Variants in ELOVL7 observed in about 807,000 individuals in gnomAD.
ELOVL7 encodes very long chain fatty acid elongase 7.
A neutral mutation model predicts 35.7 loss-of-function variants in ELOVL7; 27 were observed. The observed-to-expected ratio is 0.76, with a 90% confidence interval of 0.56 to 1.04. The LOEUF (loss-of-function observed/expected upper bound fraction) is 1.04, where lower values mean the gene tolerates loss of function less well. Among genes scored for constraint, ELOVL7 ranks in the 50% least tolerant of loss-of-function variants. The probability of loss-of-function intolerance (pLI) is 0.00; values close to 1 mark genes in which losing one functional copy is unlikely to be tolerated. For missense variants in ELOVL7, 327 were observed against 340.8 expected, an observed-to-expected ratio of 0.96 and a Z score of 0.32; for synonymous variants, 113 against 114.6, an observed-to-expected ratio of 0.99 and a Z score of 0.09.
At chr5:60,777,780 A>G (rs1380385109) in intron 3 of ELOVL7, among the ~76,000 whole-genome samples, 1 of 152,182 alleles carries the variant, frequency 6.6e-6, no homozygotes. Flanking sequence ...GTAGAGGGAA[A>G]ACCATAAAAG....
chr5:60,771,959 C>T lies in ELOVL7; in HGVS notation c.199G>A (p.Ala67Thr), dbSNP rs745942972. The change falls in exon 4 of 9, where the codon GCA becomes ACA. Residue 67 changes from alanine (A) to threonine (T), a missense_variant. Coordinates refer to ENST00000508821, the MANE Select transcript of ELOVL7 (RefSeq NM_024930.3). Reference sequence around the variant, plus strand: ...ATGAAAAAATTGTACGTTATCATTGCTTTCTTGAGTTCAAAGGGCTTGCGA... The same window carrying T: ...ATGAAAAAATTGTACGTTATCATTGTTTTCTTGAGTTCAAAGGGCTTGCGA... ...ENRKPFELKK[A>T]MITYNFFIVL... 1.9e-5 allele frequency: 31 copies of T among 1,613,786 alleles called. No individual in the cohort carries two copies. Among genetic ancestry groups the T allele is most frequent in the Admixed American group, 6.7e-5 (4 of 59,954 alleles).
rs536719023 is a variant in ELOVL7, at chr5:60,784,119, C to T, written c.64+3215G>A. 32 of 1,510,466 alleles carry T rather than the reference C, an allele frequency of 2.1e-5. No homozygotes were observed. In the African/African-American group the frequency reaches 4.1e-4, roughly 20 times the overall value. The allele number at this position is 1,510,466 out of a possible 1,614,324, so 93.6% of individuals were successfully genotyped here. ...ATAGAATATTAATGGGCTTTTCCATCAGCTGCTTCTAAGAGAGTATTCTCT... is the reference window on the plus strand; with the variant it reads ...ATAGAATATTAATGGGCTTTTCCATTAGCTGCTTCTAAGAGAGTATTCTCT... On this transcript the variant is annotated intron_variant, in intron 3 of 8. Transcript: ENST00000508821.
intron 3 of ELOVL7, among the ~76,000 whole-genome samples, chr5:60,784,454 GA>G (rs1743446027): frequency 6.6e-6 from 1 of 152,102 alleles, no homozygotes; most frequent in South Asian, 2.1e-4. Flanking sequence ...TCACATCTAA[GA>G]ATCCAAATAA....
chr5:60,827,864 T>C (rs1746260141), intron 1 of ELOVL7, among the ~76,000 whole-genome samples: 1 of 152,154 alleles, frequency 6.6e-6, no homozygotes, highest in Non-Finnish European at 1.5e-5. Context: ...GGCCCCAACC[T>C]TGGCCTCCCA....
chr5:60,767,676 T>G (rs553754473), intron 5 of ELOVL7, 147 bp downstream of exon 5: 135 of 459,214 alleles, frequency 2.9e-4, no homozygotes, highest in Admixed American at 8.5e-4. Flanking sequence ...TTTTTTATTC[T>G]TGTAATTGTT....
intron 7 of ELOVL7, 23 bp downstream of exon 7, chr5:60,764,204 G>C (rs201008763): frequency 2.7e-6 from 4 of 1,509,388 alleles, no homozygotes; most frequent in African/African-American, 2.8e-5. Context: ...TATAACACAT[G>C]ATCCCAAATT....
intron 4 of ELOVL7, among the ~76,000 whole-genome samples, chr5:60,770,369 T>C (rs1742507463): frequency 6.6e-6 from 1 of 152,156 alleles, no homozygotes; most frequent in Non-Finnish European, 1.5e-5. Flanking sequence ...TTCAATCCTA[T>C]CTTTATAAAA....
intron 1 of ELOVL7, among the ~76,000 whole-genome samples, chr5:60,819,544 G>A (rs1216875167): frequency 1.3e-5 from 2 of 152,136 alleles, no homozygotes; most frequent in African/African-American, 2.4e-5. Flanking sequence ...CACTTAGGGA[G>A]GCCGAGGTGG....
chr5:60,827,166 T>C (rs1467320255), intron 1 of ELOVL7, among the ~76,000 whole-genome samples: 2 of 152,210 alleles, frequency 1.3e-5, no homozygotes, highest in East Asian at 3.8e-4. Flanking sequence ...CAAATTGATT[T>C]AATGCATAAT....
At chr5:60,824,448 C>T (rs1288574635) in intron 1 of ELOVL7, among the ~76,000 whole-genome samples, 1 of 152,148 alleles carries the variant, frequency 6.6e-6, no homozygotes, top group African/African-American at 2.4e-5. Context: ...CTAAGAAAGG[C>T]AGAGGCAACA....
intron 8 of ELOVL7, among the ~76,000 whole-genome samples, chr5:60,757,052 T>C (rs971605982): frequency 3.3e-5 from 5 of 152,110 alleles, no homozygotes; most frequent in African/African-American, 9.7e-5. Context: ...TCTACGTTTT[T>C]AATTCTCACA....
At chr5:60,767,746 T>C (rs1742328519) in intron 5 of ELOVL7, 77 bp downstream of exon 5, 1 of 1,021,520 alleles carries the variant, frequency 9.8e-7, no homozygotes, top group Non-Finnish European at 1.5e-6. Flanking sequence ...ATTCTAAGTT[T>C]ACGTTCAGTG....
intron 2 of ELOVL7, among the ~76,000 whole-genome samples, chr5:60,789,774 A>G (rs1743813324): frequency 6.6e-6 from 1 of 152,244 alleles, no homozygotes; most frequent in Non-Finnish European, 1.5e-5. Context: ...ATATTATGAC[A>G]TTGTAAATAA....
In ELOVL7 at chr5:60,820,496, G is replaced by A. The variant is rs148801332; in HGVS notation, c.-85-21266C>T. On this transcript the variant is annotated intron_variant, in intron 1 of 8. Coordinates refer to ENST00000508821, the MANE Select transcript of ELOVL7 (RefSeq NM_024930.3). ...GCCTGTTCCACATGCCAGGCCCTGT[G>A]ACCAGTGTCTGGGATAGAAAAATGG... Among the ~76,000 whole-genome samples the A allele has an allele frequency of 2.2e-3, 340 of 152,298 alleles. 1 individual carries two copies. The highest frequency in any genetic ancestry group is 7.9e-3 in the African/African-American group (327 of 41,564).
In ELOVL7 at chr5:60,816,881, A is replaced by G. The variant is rs866728604; in HGVS notation, c.-85-17651T>C. Among the ~76,000 whole-genome samples the G allele has an allele frequency of 5.3e-5, 8 of 152,372 alleles. No homozygotes were observed. In the South Asian group the frequency reaches 1.7e-3, roughly 32 times the overall value. ...AGATAAATACAAAATTCAAATGTAAAAATGAAATTATAAAAATACCCGGTG... is the reference window on the plus strand; with the variant it reads ...AGATAAATACAAAATTCAAATGTAAGAATGAAATTATAAAAATACCCGGTG... On this transcript the variant is annotated intron_variant, in intron 1 of 8. Transcript: ENST00000508821.
At chr5:60,807,885 G>A (rs561638066) in intron 1 of ELOVL7, among the ~76,000 whole-genome samples, 2 of 147,852 alleles carry the variant, frequency 1.4e-5, no homozygotes, top group South Asian at 4.3e-4. Flanking sequence ...TGTAGTCCCA[G>A]CTACTTGGGA....
intron 1 of ELOVL7, among the ~76,000 whole-genome samples, chr5:60,809,812 AT>A (rs201325827): frequency 4.0e-5 from 6 of 151,762 alleles, no homozygotes; most frequent in African/African-American, 1.5e-4. Flanking sequence ...AACAATCCTA[AT>A]TTTTTTTTCT....
At chr5:60,786,419 AC>A (rs886318652) in intron 3 of ELOVL7, among the ~76,000 whole-genome samples, 1 of 152,194 alleles carries the variant, frequency 6.6e-6, no homozygotes, top group African/African-American at 2.4e-5. Context: ...TAACTGCTAA[AC>A]CCCATGAAAG....
In ELOVL7 at chr5:60,829,572, A is replaced by G. The variant is rs532958823; in HGVS notation, c.-86+14588T>C. 3.9e-5 allele frequency among the ~76,000 whole-genome samples: 6 copies of G among 152,318 alleles called. No homozygotes were observed. In the South Asian group the frequency reaches 1.2e-3, roughly 32 times the overall value. On this transcript the variant is annotated intron_variant, in intron 1 of 8. Coordinates refer to ENST00000508821, the MANE Select transcript of ELOVL7 (RefSeq NM_024930.3). ...AACACATGAACCCAGTTGTCTATAA[A>G]TCTACCTGTTTGTGACAGCAGGATG...
Sources: gnomAD v4.1 joint callset for allele counts (sites outside exome capture counted in the v4.1 genomes callset) on GRCh38, gnomAD v4.1.1 for gene constraint, MANE v1.5 for transcripts, NCBI Gene and HGNC (gene_info 2026-07-23, HGNC 2026-07-21) for gene names.